Variants in CSTF3 observed in about 807,000 individuals in gnomAD.
CSTF3 encodes the protein cleavage stimulation factor subunit 3.
CSTF3 carries 29 observed loss-of-function variants against 105.8 expected under a neutral mutation model. The observed-to-expected ratio is 0.27, with a 90% CI of 0.20 to 0.37. CSTF3 has a LOEUF of 0.37. Ranked by LOEUF, CSTF3 falls within the 10% of genes least tolerant of loss-of-function variation. The pLI, the probability that CSTF3 is intolerant of heterozygous loss-of-function variation, is 1.00. For synonymous variants in CSTF3, 252 were observed against 281.9 expected (o/e 0.89, Z 1.06); for missense variants, 357 against 879.3 (o/e 0.41, Z 7.51).
intron 4 of CSTF3, 62 bp downstream of exon 4, chr11:33,108,324 C>T: frequency 7.5e-7 from 1 of 1,330,704 alleles, no homozygotes; most frequent in Non-Finnish European, 1.0e-6. Flanking sequence ...CTACATCTGT[C>T]TTATACATAC....
At chr11:33,092,188 A>G in intron 16 of CSTF3, 83 bp downstream of exon 16, 1 of 873,396 alleles carries the variant, frequency 1.1e-6, no homozygotes, top group Admixed American at 2.9e-5. Context: ...CTCATACTCA[A>G]GCAAACATTC....
intron 16 of CSTF3, among the ~76,000 whole-genome samples, chr11:33,091,518 G>C (rs908389805): frequency 6.6e-6 from 1 of 152,096 alleles, no homozygotes; most frequent in Non-Finnish European, 1.5e-5. Context: ...TAATATTTCC[G>C]CTGTACCACT....
chr11:33,114,891 T>C (rs16923830), intron 3 of CSTF3, among the ~76,000 whole-genome samples: 18,965 of 151,974 alleles, frequency 0.12, 2,961 homozygotes, highest in African/African-American at 0.37. Context: ...CATAACTCTA[T>C]AGAGGAACAC....
At chr11:33,132,898 A>G (rs1264457429) in intron 3 of CSTF3, among the ~76,000 whole-genome samples, 2 of 152,060 alleles carry the variant, frequency 1.3e-5, no homozygotes, top group Non-Finnish European at 2.9e-5. Context: ...GGTCAAGTAA[A>G]TCAATATAGA....
At chr11:33,122,914 C>CAAAAAAAAAAAAAAAAA (rs10600978) in intron 3 of CSTF3, among the ~76,000 whole-genome samples, 33 of 83,690 alleles carry the variant, frequency 3.9e-4, no homozygotes, top group East Asian at 1.3e-3. Flanking sequence ...TATCCTGTCT[C>CAAAAAAAAAAAAAAAAA]AAAAAAAAAA....
At chr11:33,092,507 A>G (rs915134143) in intron 15 of CSTF3, among the ~76,000 whole-genome samples, 167 bp from the exon 16 acceptor site, 7 of 152,232 alleles carry the variant, frequency 4.6e-5, no homozygotes, top group Admixed American at 1.3e-4. Flanking sequence ...CAGAAAGATT[A>G]AGAGATTTGA....
rs145066871 is a variant in CSTF3 at position 33,086,720 on chromosome 11, A to G, written c.1795+268T>C. ...CCCAAAGTGCCAGGATTATAAGTGT[A>G]AACCACTGCACCTGGCCATAGCAGC... On this transcript the variant is annotated intron_variant, in intron 18 of 20. Transcript: ENST00000323959. Among the ~76,000 whole-genome samples, 1,368 of 152,320 alleles carry G rather than the reference A, an allele frequency of 9.0e-3. 5 individuals carry two copies. Among genetic ancestry groups the G allele is most frequent in the Non-Finnish European group, 0.013 (885 of 68,030 alleles).
chr11:33,135,723 T>C (rs909098327), intron 3 of CSTF3, among the ~76,000 whole-genome samples: 1 of 152,138 alleles, frequency 6.6e-6, no homozygotes, highest in Non-Finnish European at 1.5e-5. Context: ...ATGAAAAAAT[T>C]TCCAGGGAAA....
Position 33,085,253 on chromosome 11 carries a change from G to T in CSTF3, c.1988C>A (p.Ala663Asp). The part of the protein sequence containing the change: ...EEAVRIITGG[A>D]PELAVEGNGP... ...GTTGCCTTCTACAGCTAGCTCTGGG[G>T]CCCCACCAGTAATGATCCTCACAGC... The change falls in exon 21 of 21, where the codon GCC (alanine) becomes GAC (aspartate). Residue 663 changes from alanine (A) to aspartate (D), a missense_variant. Coordinates refer to ENST00000323959, the MANE Select transcript of CSTF3 (RefSeq NM_001326.3). The T allele has an allele frequency of 6.3e-7, 1 of 1,575,652 alleles. No individual in the cohort carries two copies. The highest frequency in any genetic ancestry group is 1.4e-5 in the African/African-American group (1 of 73,158).
chr11:33,109,753 T>C (rs1051491438), intron 3 of CSTF3, among the ~76,000 whole-genome samples: 5 of 152,202 alleles, frequency 3.3e-5, no homozygotes, highest in Admixed American at 3.3e-4. Flanking sequence ...TTTGAACCCA[T>C]ATACTCAGGG....
chr11:33,142,194 G>A (rs1232607272), intron 1 of CSTF3, among the ~76,000 whole-genome samples: 1 of 151,894 alleles, frequency 6.6e-6, no homozygotes. Context: ...ACTCAACCAA[G>A]GGTGGATTGA....
At chr11:33,085,337 G>C (rs1855093617) in intron 20 of CSTF3, 48 bp from the exon 21 acceptor site, 1 of 1,444,368 alleles carries the variant, frequency 6.9e-7, no homozygotes, top group African/African-American at 1.5e-5. Flanking sequence ...CACTATGAAA[G>C]GGTATGTATG....
At chr11:33,133,134 T>C (rs1296163019) in intron 3 of CSTF3, among the ~76,000 whole-genome samples, 2 of 152,060 alleles carry the variant, frequency 1.3e-5, no homozygotes, top group Non-Finnish European at 2.9e-5. Flanking sequence ...AAAATCATGG[T>C]AGGGAGGGGA....
At chr11:33,143,361 A>T (rs1855737695) in intron 1 of CSTF3, among the ~76,000 whole-genome samples, 1 of 152,212 alleles carries the variant, frequency 6.6e-6, no homozygotes, top group South Asian at 2.1e-4. Flanking sequence ...AGTAGCCAGC[A>T]CTTGAAGCAA....
intron 1 of CSTF3, among the ~76,000 whole-genome samples, chr11:33,149,015 AT>A (rs1386753269): frequency 6.6e-6 from 1 of 152,028 alleles, no homozygotes; most frequent in Non-Finnish European, 1.5e-5. Flanking sequence ...ATAGTAATAT[AT>A]ACTTAATACA....
At chr11:33,106,685 C>T (rs1003591546) in intron 5 of CSTF3, among the ~76,000 whole-genome samples, 3 of 152,096 alleles carry the variant, frequency 2.0e-5, no homozygotes, top group African/African-American at 4.8e-5. Context: ...TATATAAAGT[C>T]GTTCTTTGAT....
chr11:33,142,085 T>G, intron 1 of CSTF3, 99 bp from the exon 2 acceptor site: 1 of 1,541,408 alleles, frequency 6.5e-7, no homozygotes. Context: ...CAATGTCACA[T>G]TACAAAGCAT....
chr11:33,113,376 T>G (rs1490179737), intron 3 of CSTF3, among the ~76,000 whole-genome samples: 2 of 151,952 alleles, frequency 1.3e-5, no homozygotes, highest in Non-Finnish European at 1.5e-5. Flanking sequence ...TTAAGCCAGG[T>G]GTGGTGGCAT....
chr11:33,098,591 A>G lies in CSTF3; in HGVS notation c.1128+99T>C, dbSNP rs1015797714. ...GTTATTTGTCAAGATTAATAGAACT[A>G]TACAACAAAAACAGTGAATTTTATT... On this transcript the variant is annotated intron_variant, in intron 13 of 20. Transcript: ENST00000323959. The G allele has an allele frequency of 8.1e-6, 6 of 743,148 alleles. No individual in the cohort carries two copies. In the African/African-American group the frequency reaches 9.2e-5, roughly 11 times the overall value. The allele number at this position is 743,148 out of a possible 1,614,324, so 46.0% of individuals were successfully genotyped here. A position where few individuals can be genotyped will look rare whatever the true frequency, so the allele number is the denominator to read the frequency against.
Sources: gnomAD v4.1 joint callset for allele counts (sites outside exome capture counted in the v4.1 genomes callset) on GRCh38, gnomAD v4.1.1 for gene constraint, MANE v1.5 for transcripts, NCBI Gene and HGNC (gene_info 2026-07-23, HGNC 2026-07-21) for gene names.